DARS1: variants seen among roughly 807,000 people sequenced by gnomAD.
DARS1 encodes the protein aspartyl-tRNA synthetase 1.
A neutral mutation model predicts 68.8 loss-of-function variants in DARS1; 51 were observed. That is an observed-to-expected ratio of 0.74 (90% CI 0.59 to 0.94). DARS1 has a LOEUF of 0.94. DARS1 is among the 40% of genes least tolerant of loss of function. The pLI is 0.00. For synonymous variants in DARS1, 203 were observed against 190.4 expected (o/e 1.07, Z -0.55); for missense variants, 607 against 597.3 (o/e 1.02, Z -0.17).
In DARS1 at chr2:135,907,342, G is replaced by A. The variant is rs147077598; in HGVS notation, c.1480C>T (p.Arg494Cys). The change falls in exon 16 of 16, where the codon CGT becomes TGT. Residue 494 changes from arginine (R) to cysteine (C), a missense_variant. By Grantham distance (180) the Arg-to-Cys change is radical (BLOSUM62 -3). Transcript: ENST00000264161. ...TAAGGAGTGAGTCGTTTGGGATCAC[G>A]AGGGAACATGGAGGTCTGACGAACA... is the stretch of plus-strand genomic sequence containing the variant. ...HNVRQTSMFP[R>C]DPKRLTP 5.7e-6 allele frequency: 9 copies of A among 1,587,230 alleles called. No individual in the cohort carries two copies. The highest frequency in any genetic ancestry group is 2.3e-5 in the East Asian group (1 of 43,318).
intron 9 of DARS1, among the ~76,000 whole-genome samples, chr2:135,922,058 A>G (rs1199590475): frequency 6.6e-6 from 1 of 152,198 alleles, no homozygotes; most frequent in Admixed American, 6.5e-5. Context: ...TAGCTTCAAA[A>G]AAGAATTTGC....
At chr2:135,963,873 G>A (rs2104836024) in intron 3 of DARS1, among the ~76,000 whole-genome samples, 1 of 151,526 alleles carries the variant, frequency 6.6e-6, no homozygotes, top group Non-Finnish European at 1.5e-5. Context: ...AGAGACGGGG[G>A]CTTCACCATA....
At chr2:135,946,879 T>C (rs1326430222) in intron 4 of DARS1, among the ~76,000 whole-genome samples, 3 of 152,044 alleles carry the variant, frequency 2.0e-5, no homozygotes, top group Middle Eastern at 3.2e-3. Context: ...TCTCCTAGGT[T>C]CAAGTGACCC....
Position 135,907,323 on chromosome 2 carries a change from G to A in DARS1, c.1499C>T (p.Thr500Ile), listed in dbSNP as rs1680808880. ...SMFPRDPKRLTP is the reference protein window; with the variant it reads ...SMFPRDPKRLIP ...AAGTGGCAAAGTGTGAATTTAAGGA[G>A]TGAGTCGTTTGGGATCACGAGGGAA... Residue 500 changes from threonine to isoleucine, a missense_variant, in exon 16 of 16, where the codon ACT becomes ATT. Thr to Ile is a moderately conservative substitution (Grantham distance 89). Coordinates refer to ENST00000264161, the MANE Select transcript of DARS1 (RefSeq NM_001349.4). 2.5e-6 allele frequency: 4 copies of A among 1,584,710 alleles called. No individual in the cohort carries two copies. The highest frequency in any genetic ancestry group is 2.2e-5 in the South Asian group (2 of 90,508).
At chr2:135,917,767 T>C (rs956110351) in intron 10 of DARS1, among the ~76,000 whole-genome samples, 2 of 151,992 alleles carry the variant, frequency 1.3e-5, no homozygotes, top group African/African-American at 4.8e-5. Context: ...ATGTGCACCA[T>C]GCCCGGCCTA....
intron 15 of DARS1, 184 bp downstream of exon 15, chr2:135,910,955 G>GA (rs1042367232): frequency 5.2e-5 from 26 of 495,382 alleles, no homozygotes; most frequent in East Asian, 2.1e-4. Flanking sequence ...ATTCTTAAGA[G>GA]AAAAAAAATG....
chr2:135,952,193 G>A (rs770667335), intron 4 of DARS1, among the ~76,000 whole-genome samples: 17 of 152,176 alleles, frequency 1.1e-4, no homozygotes, highest in Admixed American at 8.5e-4. Flanking sequence ...GCAGTAAGCC[G>A]AGATTGCACC....
At chr2:135,960,343 A>G (rs1366853614) in intron 4 of DARS1, among the ~76,000 whole-genome samples, 1 of 152,138 alleles carries the variant, frequency 6.6e-6, no homozygotes, top group African/African-American at 2.4e-5. Flanking sequence ...AAATATCTAA[A>G]CCAAAACCAG....
chr2:135,951,218 CCTT>C (rs1253297215), intron 4 of DARS1, among the ~76,000 whole-genome samples: 15 of 152,296 alleles, frequency 9.8e-5, no homozygotes, highest in Non-Finnish European at 1.6e-4. Flanking sequence ...AATGGACTTG[CCTT>C]CTTCTTTGCT....
chr2:135,952,498 A>C (rs1575398968), intron 4 of DARS1, among the ~76,000 whole-genome samples: 1 of 152,296 alleles, frequency 6.6e-6, no homozygotes, highest in Non-Finnish European at 1.5e-5. Flanking sequence ...GCAAGAGAAC[A>C]CCAGAACTTA....
At chr2:135,909,408 GACACTCTGAT>G (rs1453324150) in intron 15 of DARS1, among the ~76,000 whole-genome samples, 1 of 152,168 alleles carries the variant, frequency 6.6e-6, no homozygotes, top group Non-Finnish European at 1.5e-5. Flanking sequence ...TGTATGATGT[GACACTCTGAT>G]ACACTGTGAA....
At chr2:135,911,089 AT>A (rs780386560) in intron 15 of DARS1, 49 bp downstream of exon 15, 4 of 809,062 alleles carry the variant, frequency 4.9e-6, no homozygotes, top group Non-Finnish European at 8.4e-6. Context: ...TCAAATTTGT[AT>A]TATACTTAGA....
chr2:135,922,391 TCTAACTGCA>T (rs1681123933), intron 9 of DARS1, among the ~76,000 whole-genome samples: 1 of 152,202 alleles, frequency 6.6e-6, no homozygotes, highest in African/African-American at 2.4e-5. Flanking sequence ...CTAATTCTGT[TCTAACTGCA>T]CTGAGGTATA....
chr2:135,932,843 C>T lies in DARS1; in HGVS notation c.505-1G>A. On this transcript the variant is annotated splice_acceptor_variant, in intron 6 of 15. Coordinates refer to ENST00000264161, the MANE Select transcript of DARS1 (RefSeq NM_001349.4). LOFTEE classifies it high-confidence loss of function. ...CCTGGTTAACAGTAGCTCTTCCTTC[C>T]TAAAAAAAAAAAAAAAGAAAAGAAA... is the stretch of plus-strand genomic sequence containing the variant. The T allele has an allele frequency of 8.8e-7, 1 of 1,131,994 alleles. No individual in the cohort carries two copies. The highest frequency in any genetic ancestry group is 1.2e-6 in the Non-Finnish European group (1 of 811,638). 70.1% of individuals were successfully genotyped at this position (1,131,994 alleles called of 1,614,324 possible). A position where few individuals can be genotyped will look rare whatever the true frequency, so the allele number is the denominator to read the frequency against.
At chr2:135,943,213 A>G (rs1681645503) in intron 5 of DARS1, 165 bp downstream of exon 5, 2 of 942,400 alleles carry the variant, frequency 2.1e-6, no homozygotes, top group Non-Finnish European at 3.0e-6. Flanking sequence ...TCAAGTCACT[A>G]AGTACTGGGG....
chr2:135,955,673 C>CTT (rs75123258), intron 4 of DARS1, among the ~76,000 whole-genome samples: 665 of 61,292 alleles, frequency 0.011, 85 homozygotes, highest in East Asian at 0.1. Context: ...AAATAAAAAT[C>CTT]TTTTTTTTTT....
chr2:135,982,228 T>A (rs563140782), intron 2 of DARS1, among the ~76,000 whole-genome samples: 88 of 152,024 alleles, frequency 5.8e-4, no homozygotes, highest in African/African-American at 1.4e-3. Context: ...AGAATAGAAG[T>A]AAAAGAAAGG....
At chr2:135,942,809 A>C (rs1175433035) in intron 5 of DARS1, among the ~76,000 whole-genome samples, 2 of 151,196 alleles carry the variant, frequency 1.3e-5, no homozygotes, top group Non-Finnish European at 2.9e-5. Flanking sequence ...GCTGTGGTAG[A>C]CTGTTTGCAA....
At chr2:135,907,450 T>G (rs373863494) in intron 15 of DARS1, 43 bp from the exon 16 acceptor site, 191 of 1,342,934 alleles carry the variant, frequency 1.4e-4, no homozygotes, top group Non-Finnish European at 1.9e-4. Flanking sequence ...TTTGAAAATC[T>G]CTCAGGGTCT....
Sources: allele counts gnomAD v4.1 joint callset (sites outside exome capture counted in the v4.1 genomes callset), GRCh38; gene constraint gnomAD v4.1.1; transcripts MANE v1.5; gene names NCBI Gene and HGNC (gene_info 2026-07-23, HGNC 2026-07-21).